Variants in SMC2 observed in about 807,000 individuals in gnomAD.
The protein encoded by SMC2 is structural maintenance of chromosomes 2, also known as structural maintenance of chromosomes protein 2.
A neutral mutation model predicts 142.6 loss-of-function variants in SMC2; 41 were observed. The observed-to-expected ratio is 0.29, with a 90% confidence interval of 0.22 to 0.37. SMC2 has a LOEUF of 0.37. Among genes scored for constraint, SMC2 ranks in the 10% least tolerant of loss-of-function variants. The pLI is 1.00. For missense variants in SMC2, 1,265 were observed against 1,373.7 expected (o/e 0.92, Z 1.25); for synonymous variants, 463 against 457.5 (o/e 1.01, Z -0.15).
At chr9:104,126,383 T>C (rs752569390) in intron 18 of SMC2, among the ~76,000 whole-genome samples, 2 of 152,166 alleles carry the variant, frequency 1.3e-5, no homozygotes, top group African/African-American at 2.4e-5. Flanking sequence ...ATTTTCCCTA[T>C]AGGAATAAAG....
rs578038859 is a variant in SMC2, at chr9:104,111,706, T to C, written c.1146T>C (p.Ala382=). 116 of 1,614,118 alleles carry C rather than the reference T, an allele frequency of 7.2e-5. No individual in the cohort carries two copies. In the East Asian group the frequency reaches 2.4e-3, roughly 33 times the overall value. Residue 382 remains alanine, a synonymous_variant, in exon 10 of 25, where the codon GCT becomes GCC. Coordinates refer to ENST00000374793, the MANE Select transcript of SMC2 (RefSeq NM_006444.3). ...CAGCTGCACAGCAGCACTTCAATGC[T>C]GTTTCCGCTGGCCTGTCCAGTAATG... ...ALAAAQQHFN[A]VSAGLSSNED...
In SMC2 at chr9:104,139,417, G is replaced by A. The variant is rs182138855; in HGVS notation, c.*102G>A. 760 of 909,182 alleles carry A rather than the reference G, an allele frequency of 8.4e-4. 3 individuals are homozygous for A. The highest frequency in any genetic ancestry group is 1.5e-3 in the Admixed American group (43 of 28,718). 56.3% of individuals were successfully genotyped at this position (909,182 alleles called of 1,614,324 possible). On this transcript the variant is annotated 3_prime_UTR_variant, in exon 25 of 25. Transcript: ENST00000374793. ...TATATACAAAAATTAATGTTACTGT[G>A]TTACTTAACCCATGTTTTCTCTTTA...
chr9:104,099,407 T>C (rs1337931397), intron 4 of SMC2, among the ~76,000 whole-genome samples: 1 of 152,024 alleles, frequency 6.6e-6, no homozygotes, highest in Non-Finnish European at 1.5e-5. Context: ...CTTTGTATCA[T>C]TTAATGAATT....
intron 5 of SMC2, 87 bp downstream of exon 5, chr9:104,099,769 T>C: frequency 2.3e-6 from 2 of 873,078 alleles, no homozygotes; most frequent in East Asian, 2.7e-5. Flanking sequence ...TCTATTAAAA[T>C]TTTTGGAGAC....
intron 15 of SMC2, among the ~76,000 whole-genome samples, chr9:104,119,697 T>G (rs1457145709): frequency 6.6e-6 from 1 of 152,198 alleles, no homozygotes; most frequent in Non-Finnish European, 1.5e-5. Flanking sequence ...TACTGCCTCC[T>G]AAAGTTTACT....
chr9:104,131,914 T>C (rs1835018075), intron 21 of SMC2, 95 bp from the exon 22 acceptor site: 4 of 672,706 alleles, frequency 5.9e-6, no homozygotes, highest in Admixed American at 5.1e-5. Flanking sequence ...ATGTATTGTA[T>C]ATAAAAATAA....
At chr9:104,091,159 C>T (rs1048150276), upstream of SMC2, among the ~76,000 whole-genome samples, 5 of 152,192 alleles carry the variant, frequency 3.3e-5, no homozygotes, top group African/African-American at 1.2e-4. Context: ...CATGCGTTGC[C>T]TAACGACGAG....
At position 104,123,252 on chromosome 9, in the gene SMC2, T is replaced by A. The variant is rs756325224; in HGVS notation, c.2257+20T>A. On this transcript the variant is annotated intron_variant, in intron 17 of 24. Coordinates refer to ENST00000374793, the MANE Select transcript of SMC2 (RefSeq NM_006444.3). ...CCATTGGTAAGATGAAAACAGTCCA[T>A]GCTTAATCTCTGGTTTTATTCATAT... 18 of 1,607,098 alleles carry A rather than the reference T, an allele frequency of 1.1e-5. 1 individual carries two copies. In the East Asian group the frequency reaches 3.8e-4, roughly 34 times the overall value.
chr9:104,111,082 C>G (rs2131376892), intron 9 of SMC2, among the ~76,000 whole-genome samples: 1 of 152,302 alleles, frequency 6.6e-6, no homozygotes, highest in South Asian at 2.1e-4. Context: ...GGTCTGGTAT[C>G]TTGCATAGTG....
chr9:104,136,912 A>G (rs982863642), intron 23 of SMC2, among the ~76,000 whole-genome samples: 1 of 152,004 alleles, frequency 6.6e-6, no homozygotes, highest in Non-Finnish European at 1.5e-5. Context: ...TGGGAGGCCA[A>G]GGCAGGTGGA....
At chr9:104,108,769 AATCCTAGGTTTC>A (rs78015440) in intron 9 of SMC2, among the ~76,000 whole-genome samples, 77,703 of 151,816 alleles carry the variant, frequency 0.51, 20,646 homozygotes, top group Non-Finnish European at 0.55. Flanking sequence ...TAGACAGTAA[AATCCTAGGTTTC>A]ATGGTGGGCC....
At chr9:104,089,735 G>A (rs1320938032), upstream of SMC2, among the ~76,000 whole-genome samples, 2 of 152,034 alleles carry the variant, frequency 1.3e-5, no homozygotes, top group South Asian at 2.1e-4. Context: ...ACTTGTGTCC[G>A]CCTCCTGGGT....
chr9:104,138,064 C>G lies in SMC2; in HGVS notation c.3316C>G (p.Pro1106Ala). ...SLILSMLLFKPAPIYILDEVD... is the reference protein window; with the variant it reads ...SLILSMLLFKAAPIYILDEVD... ...AATACTGTCCATGCTTCTCTTCAAA[C>G]CTGCTCCAATTTATATCCTTGATGA... Residue 1106 changes from proline to alanine, a missense_variant, in exon 24 of 25, where the codon CCT becomes GCT. Around this residue, in one of 4 missense-constraint regions of SMC2, gnomAD observed 192 missense variants for 261.9 expected, o/e 0.73. Coordinates refer to ENST00000374793, the MANE Select transcript of SMC2 (RefSeq NM_006444.3). 6.2e-7 allele frequency: 1 copy of G among 1,610,966 alleles called. No homozygotes were observed. The highest frequency in any genetic ancestry group is 8.5e-7 in the Non-Finnish European group (1 of 1,178,024).
At chr9:104,091,913 T>A (rs1829987251), upstream of SMC2, among the ~76,000 whole-genome samples, 2 of 152,176 alleles carry the variant, frequency 1.3e-5, no homozygotes, top group Non-Finnish European at 2.9e-5. Flanking sequence ...CTGCCAGATT[T>A]CTGCTTGAAA....
chr9:104,107,842 A>G (rs903148146), intron 9 of SMC2, among the ~76,000 whole-genome samples: 2 of 152,226 alleles, frequency 1.3e-5, no homozygotes, highest in East Asian at 1.9e-4. Context: ...TTAAGAAAGT[A>G]GCGTCTTATT....
At chr9:104,095,223 T>C (rs112931636) in intron 1 of SMC2, 101 bp from the exon 2 acceptor site, 7 of 572,762 alleles carry the variant, frequency 1.2e-5, no homozygotes, top group African/African-American at 1.1e-4. Flanking sequence ...GTCAAGTGGC[T>C]GTTTTATTTC....
intron 22 of SMC2, among the ~76,000 whole-genome samples, chr9:104,132,358 T>G (rs1024494907): frequency 1.3e-5 from 2 of 152,134 alleles, no homozygotes. Flanking sequence ...CAAGCCAAGT[T>G]TAGTATTCTC....
At position 104,123,188 on chromosome 9, in the gene SMC2, A is replaced by G. The variant is rs760442084; in HGVS notation, c.2213A>G (p.Tyr738Cys). 6.2e-7 allele frequency: 1 copy of G among 1,613,040 alleles called. No homozygotes were observed. ...LLQTKLQQSS[Y>C]HKQQEELDAL... is the part of the protein sequence containing the mutation. ...CAAACCAAGCTCCAGCAAAGCTCAT[A>G]TCACAAGCAACAAGAAGAATTAGAT... Residue 738 changes from tyrosine to cysteine, a missense_variant, in exon 17 of 25, where the codon TAT (tyrosine) becomes TGT (cysteine). Coordinates refer to ENST00000374793, the MANE Select transcript of SMC2 (RefSeq NM_006444.3).
intron 22 of SMC2, among the ~76,000 whole-genome samples, chr9:104,133,272 T>G (rs1835182719): frequency 6.6e-6 from 1 of 152,144 alleles, no homozygotes; most frequent in African/African-American, 2.4e-5. Flanking sequence ...TGGAGGAAGT[T>G]TCACACTGGG....
Sources: allele counts gnomAD v4.1 joint callset (sites outside exome capture counted in the v4.1 genomes callset), GRCh38; gene constraint gnomAD v4.1.1; regional missense constraint gnomAD v4.1.1; transcripts MANE v1.5; gene names NCBI Gene and HGNC (gene_info 2026-07-23, HGNC 2026-07-21).